Variants in ARRB1 observed in about 807,000 individuals in gnomAD.
ARRB1 encodes arrestin beta 1, also known as beta-arrestin-1.
ARRB1 carries 21 observed loss-of-function variants against 56.8 expected under a neutral mutation model. That is an observed-to-expected ratio of 0.37 (90% confidence interval 0.26 to 0.53). The LOEUF (loss-of-function observed/expected upper bound fraction) is 0.53, where lower values mean the gene tolerates loss of function less well. Among genes scored for constraint, ARRB1 ranks in the 20% least tolerant of loss-of-function variants. The pLI is 0.88. For missense variants in ARRB1, 424 were observed against 553.7 expected (o/e 0.77, Z 2.35); for synonymous variants, 210 against 218.6 (o/e 0.96, Z 0.35).
At chr11:75,278,331 G>A (rs1263170379) in intron 8 of ARRB1, among the ~76,000 whole-genome samples, 1 of 152,232 alleles carries the variant, frequency 6.6e-6, no homozygotes, top group African/African-American at 2.4e-5. Context: ...GCTGGTGGAG[G>A]TGTGGGGGAG....
rs541960840 is a variant in ARRB1 at position 75,337,314 on chromosome 11, T to C, written c.20+14274A>G. On this transcript the variant is annotated intron_variant, in intron 1 of 15. Coordinates refer to ENST00000420843, the MANE Select transcript of ARRB1 (RefSeq NM_004041.5). ...AAAAATCTTCGAGGCTGCAGTGAGC[T>C]ATGATCGTGCCACTGCACTCCAGTC... 4.6e-5 allele frequency among the ~76,000 whole-genome samples: 7 copies of C among 152,262 alleles called. 1 individual carries two copies. In the East Asian group the frequency reaches 1.4e-3, roughly 29 times the overall value.
chr11:75,325,002 C>A (rs1180625550), intron 1 of ARRB1, among the ~76,000 whole-genome samples: 1 of 129,664 alleles, frequency 7.7e-6, no homozygotes, highest in Non-Finnish European at 1.6e-5. Context: ...CAGGGCTGGG[C>A]GGGAGGGCCT....
At chr11:75,306,719 G>A (rs1320847138) in intron 1 of ARRB1, 2 of 1,222,922 alleles carry the variant, frequency 1.6e-6, no homozygotes, top group Non-Finnish European at 1.0e-6. Context: ...CCAGCCCCAA[G>A]TGAGGGGTTA....
At chr11:75,283,044 C>G (rs1946385228) in intron 5 of ARRB1, among the ~76,000 whole-genome samples, 1 of 152,216 alleles carries the variant, frequency 6.6e-6, no homozygotes, top group Non-Finnish European at 1.5e-5. Flanking sequence ...CTTTCTCCCA[C>G]CAATGACCTG....
At chr11:75,305,478 C>T (rs1229030740) in intron 1 of ARRB1, among the ~76,000 whole-genome samples, 3 of 152,168 alleles carry the variant, frequency 2.0e-5, no homozygotes, top group Non-Finnish European at 4.4e-5. Context: ...TTCATCTCTT[C>T]CCAACTGCAC....
chr11:75,318,280 C>G (rs901410027), intron 1 of ARRB1, among the ~76,000 whole-genome samples: 8 of 151,154 alleles, frequency 5.3e-5, no homozygotes, highest in African/African-American at 1.7e-4. Context: ...CCTCCAGCTT[C>G]AGCCTCCTGA....
intron 13 of ARRB1, 94 bp from the exon 14 acceptor site, chr11:75,269,053 G>A: frequency 7.2e-7 from 1 of 1,398,334 alleles, no homozygotes; most frequent in Non-Finnish European, 1.0e-6. Context: ...ACTGCAGAGG[G>A]TTTTGCCGTC....
Position 75,351,609 on chromosome 11 carries a change from G to T in ARRB1, c.-2C>A, listed in dbSNP as rs945971975. ...TCACCGGGTCCCTTTGTCGCCCATG[G>T]TCCGCGACGGTCGCAGGGAGGTCCG... On this transcript the variant is annotated 5_prime_UTR_variant, in exon 1 of 16. Transcript: ENST00000420843. The T allele has an allele frequency of 4.1e-6, 6 of 1,446,318 alleles. No individual in the cohort carries two copies. The highest frequency in any genetic ancestry group is 5.4e-6 in the Non-Finnish European group (6 of 1,102,490). 89.6% of individuals were successfully genotyped at this position (1,446,318 alleles called of 1,614,324 possible).
chr11:75,342,337 C>A (rs116633202), intron 1 of ARRB1, among the ~76,000 whole-genome samples: 1 of 152,172 alleles, frequency 6.6e-6, no homozygotes, highest in Non-Finnish European at 1.5e-5. Context: ...CCCCTTCCCT[C>A]TGCTCTGGGC....
intron 13 of ARRB1, among the ~76,000 whole-genome samples, chr11:75,269,775 C>T (rs1048905917): frequency 6.6e-6 from 1 of 152,230 alleles, no homozygotes; most frequent in Non-Finnish European, 1.5e-5. Context: ...AAATATCTTG[C>T]CCAAGGCCAC....
At chr11:75,266,340 G>T in intron 15 of ARRB1, 66 bp from the exon 16 acceptor site, 1 of 1,347,472 alleles carries the variant, frequency 7.4e-7, no homozygotes. Flanking sequence ...TTATCCAGAG[G>T]CCCGGCCAGA....
chr11:75,309,150 A>T (rs2140478452), intron 1 of ARRB1, among the ~76,000 whole-genome samples: 1 of 152,350 alleles, frequency 6.6e-6, no homozygotes, highest in South Asian at 2.1e-4. Context: ...TGGCCTGGGG[A>T]GGCCAGAGGC....
At chr11:75,273,497 G>A (rs1205701617) in intron 11 of ARRB1, among the ~76,000 whole-genome samples, 3 of 152,196 alleles carry the variant, frequency 2.0e-5, no homozygotes, top group African/African-American at 7.2e-5. Flanking sequence ...AGGGGCTGCT[G>A]AAGAGAGCTG....
intron 1 of ARRB1, among the ~76,000 whole-genome samples, chr11:75,333,563 T>C (rs868070172): frequency 2.0e-4 from 30 of 152,190 alleles, no homozygotes; most frequent in African/African-American, 7.0e-4. Flanking sequence ...ACAATCAGCA[T>C]GTATTGAGCA....
chr11:75,349,103 C>A (rs567010979), intron 1 of ARRB1, among the ~76,000 whole-genome samples: 1 of 152,320 alleles, frequency 6.6e-6, no homozygotes, highest in Non-Finnish European at 1.5e-5. Flanking sequence ...AGACAAGGTA[C>A]AGCCCATTAC....
chr11:75,351,548 C>A, intron 1 of ARRB1, 40 bp downstream of exon 1: 1 of 1,497,526 alleles, frequency 6.7e-7, no homozygotes, highest in Non-Finnish European at 8.8e-7. Flanking sequence ...GCCGAGGTCG[C>A]CCCCACGCGC....
intron 1 of ARRB1, among the ~76,000 whole-genome samples, chr11:75,303,150 C>T (rs1946944578): frequency 1.3e-5 from 2 of 152,022 alleles, no homozygotes; most frequent in South Asian, 4.2e-4. Context: ...TACAGGTGCA[C>T]ACCACCACAC....
intron 1 of ARRB1, among the ~76,000 whole-genome samples, chr11:75,322,971 A>C (rs1215143536): frequency 6.6e-6 from 1 of 152,252 alleles, no homozygotes; most frequent in Non-Finnish European, 1.5e-5. Context: ...AGAACTTGGA[A>C]CAATACCTGG....
Position 75,264,154 on chromosome 11 carries a change from T to G in ARRB1, c.*2009A>C, listed in dbSNP as rs1945858703. On this transcript the variant is annotated 3_prime_UTR_variant, in exon 16 of 16. Coordinates refer to ENST00000420843, the MANE Select transcript of ARRB1 (RefSeq NM_004041.5). Reference sequence around the variant, plus strand: ...CAGCCCCCAGCTGACTTGGTTCTGGTCTGGGGAGGGGTCCCTTGGGTTGAG... The same window carrying G: ...CAGCCCCCAGCTGACTTGGTTCTGGGCTGGGGAGGGGTCCCTTGGGTTGAG... 1 of 152,170 alleles carries G rather than the reference T, an allele frequency of 6.6e-6. No homozygotes were observed. 9.4% of individuals were successfully genotyped at this position (152,170 alleles called of 1,614,324 possible). A position where few individuals can be genotyped will look rare whatever the true frequency, so the allele number is the denominator to read the frequency against.
Sources: allele counts gnomAD v4.1 joint callset (sites outside exome capture counted in the v4.1 genomes callset), GRCh38; gene constraint gnomAD v4.1.1; transcripts MANE v1.5; gene names NCBI Gene and HGNC (gene_info 2026-07-23, HGNC 2026-07-21).